Variants in ADD2 observed in about 807,000 individuals in gnomAD.
ADD2 encodes beta-adducin.
In ADD2, 23 loss-of-function variants were observed where a neutral mutation model predicts 83.0. That is an observed-to-expected ratio of 0.28 (90% confidence interval 0.20 to 0.39). The LOEUF (loss-of-function observed/expected upper bound fraction) is 0.39, where lower values mean the gene tolerates loss of function less well. Among genes scored for constraint, ADD2 ranks in the 10% least tolerant of loss-of-function variants. The probability of loss-of-function intolerance (pLI) is 1.00; values close to 1 mark genes in which losing one functional copy is unlikely to be tolerated. For missense variants in ADD2, 758 were observed against 944.9 expected (o/e 0.80, Z 2.59); for synonymous variants, 375 against 375.4 (o/e 1.00, Z 0.01).
intron 4 of ADD2, among the ~76,000 whole-genome samples, chr2:70,698,533 T>G (rs1452086116): frequency 1.3e-5 from 2 of 152,162 alleles, no homozygotes; most frequent in Non-Finnish European, 2.9e-5. Context: ...TTAACAAGAA[T>G]TCATAGTGTA....
rs1417458049 is a variant in ADD2 at position 70,659,119 on chromosome 2, T to C, written c.*4306A>G. On this transcript the variant is annotated 3_prime_UTR_variant, in exon 16 of 16. Transcript: ENST00000264436. ...AAGATTGCACCACTGCACTCCAGCC[T>C]GGGCAACAAAGAGCAAAGCTCCGTC... 7 of 118,154 alleles carry C rather than the reference T, an allele frequency of 5.9e-5. No individual in the cohort carries two copies. The highest frequency in any genetic ancestry group is 2.3e-4 in the African/African-American group (7 of 30,020). 7.3% of individuals were successfully genotyped at this position (118,154 alleles called of 1,614,324 possible). A position where few individuals can be genotyped will look rare whatever the true frequency, so the allele number is the denominator to read the frequency against.
At chr2:70,751,325 T>C (rs1429129540) in intron 1 of ADD2, among the ~76,000 whole-genome samples, 1 of 152,198 alleles carries the variant, frequency 6.6e-6, no homozygotes, top group Non-Finnish European at 1.5e-5. Context: ...TTACTAATGC[T>C]TAGGGTACCT....
chr2:70,684,012 A>C (rs1558530061), intron 9 of ADD2, among the ~76,000 whole-genome samples: 2 of 152,250 alleles, frequency 1.3e-5, no homozygotes, highest in Non-Finnish European at 2.9e-5. Flanking sequence ...CTTAAGAATC[A>C]AAACAGAGGA....
intron 1 of ADD2, chr2:70,717,921 T>A (rs541703291): frequency 5.9e-5 from 9 of 152,346 alleles, no homozygotes; most frequent in African/African-American, 2.2e-4. Flanking sequence ...ACTGCTGTGA[T>A]CATTTAAGCC....
chr2:70,750,253 A>T (rs1365969402), intron 1 of ADD2, among the ~76,000 whole-genome samples: 2 of 152,220 alleles, frequency 1.3e-5, no homozygotes, highest in African/African-American at 4.8e-5. Context: ...AACCAGGGAA[A>T]CATCATGCCT....
intron 1 of ADD2, among the ~76,000 whole-genome samples, chr2:70,737,641 G>A (rs555915257): frequency 2.0e-5 from 3 of 151,720 alleles, no homozygotes; most frequent in African/African-American, 7.3e-5. Flanking sequence ...GAGTTAATGG[G>A]TGCAGCACAC....
At chr2:70,741,213 A>T (rs1673883520) in intron 1 of ADD2, 1 of 152,250 alleles carries the variant, frequency 6.6e-6, no homozygotes, top group Non-Finnish European at 1.5e-5. Flanking sequence ...ACGGCAAAGA[A>T]CAGTAGCTTA....
In ADD2 at chr2:70,695,723, G is replaced by A. The variant is rs200581515; in HGVS notation, c.553C>T (p.Leu185=). ...CAGTGATGCTGGACTGTACTCACCA[G>A]GCTGGACGCTGTGACTTCACTGCAA... The part of the protein sequence containing the change: ...VSCSEVTASS[L]IKVNILGEVV... The change falls in exon 6 of 16, where the codon CTG becomes TTG. Residue 185 remains leucine, a splice_region_variant and synonymous_variant. Coordinates refer to ENST00000264436, the MANE Select transcript of ADD2 (RefSeq NM_001617.4). 1.1e-3 allele frequency: 1,793 copies of A among 1,614,018 alleles called. 32 individuals are homozygous for A. The South Asian group carries it at 0.019, about 17-fold the overall frequency.
intron 15 of ADD2, among the ~76,000 whole-genome samples, chr2:70,664,999 A>T (rs534142642): frequency 1.3e-5 from 2 of 151,868 alleles, no homozygotes; most frequent in Middle Eastern, 3.4e-3. Flanking sequence ...TGAGTGTGTG[A>T]CACACCTGTG....
intron 1 of ADD2, among the ~76,000 whole-genome samples, chr2:70,744,719 C>A (rs1674092291): frequency 6.6e-6 from 1 of 152,092 alleles, no homozygotes; most frequent in South Asian, 2.1e-4. Flanking sequence ...AGCAAGGTCC[C>A]ATTTTCATAT....
At chr2:70,720,181 A>G (rs1019408943) in intron 1 of ADD2, among the ~76,000 whole-genome samples, 25 of 152,160 alleles carry the variant, frequency 1.6e-4, no homozygotes, top group Non-Finnish European at 1.9e-4. Flanking sequence ...GTAATCCTGC[A>G]CTATCCCTCC....
At chr2:70,664,566 ATC>A (rs1675680392) in intron 15 of ADD2, among the ~76,000 whole-genome samples, 1 of 152,186 alleles carries the variant, frequency 6.6e-6, no homozygotes, top group Non-Finnish European at 1.5e-5. Context: ...GGTAAATATT[ATC>A]TGATGCCTCT....
intron 9 of ADD2, among the ~76,000 whole-genome samples, chr2:70,684,377 A>T (rs1402680300): frequency 3.3e-5 from 5 of 152,150 alleles, no homozygotes; most frequent in African/African-American, 1.2e-4. Context: ...CCTCCTGAGT[A>T]GCTGGGACTA....
In ADD2 at chr2:70,658,699, T is replaced by A. The variant is rs1036087292; in HGVS notation, c.*4726A>T. ...AATGTAAAAAGACCTGTTTCCTCTA[T>A]GCTCAGTCAACTGCGACTGTGCCAA... On this transcript the variant is annotated 3_prime_UTR_variant, in exon 16 of 16. Coordinates refer to ENST00000264436, the MANE Select transcript of ADD2 (RefSeq NM_001617.4). 2 of 152,206 alleles carry A rather than the reference T, an allele frequency of 1.3e-5. No individual in the cohort carries two copies. Among genetic ancestry groups the A allele is most frequent in the Non-Finnish European group, 2.9e-5 (2 of 68,046 alleles). 9.4% of individuals were successfully genotyped at this position (152,206 alleles called of 1,614,324 possible). A position where few individuals can be genotyped will look rare whatever the true frequency, so the allele number is the denominator to read the frequency against.
At chr2:70,695,585 G>T in intron 6 of ADD2, 136 bp downstream of exon 6, 3 of 745,882 alleles carry the variant, frequency 4.0e-6, no homozygotes, top group South Asian at 1.8e-5. Flanking sequence ...TTTGTTCCAT[G>T]TGTCTTCTCT....
At chr2:70,669,786 A>G (rs1669826377) in intron 15 of ADD2, among the ~76,000 whole-genome samples, 1 of 152,210 alleles carries the variant, frequency 6.6e-6, no homozygotes, top group Admixed American at 6.5e-5. Context: ...ACCATGTATA[A>G]AGTCCAACAA....
In ADD2 at chr2:70,768,057, G is replaced by T; in HGVS notation, c.-325C>A. On this transcript the variant is annotated 5_prime_UTR_variant, in exon 1 of 16. The change creates a new upstream start codon in the 5' untranslated region. Transcript: ENST00000264436. ...GTCAGAGCTGCTGGGAGATCCCCCA[G>T]CAGTGCAGCGGCTCCGCGGCGGCGG... 1 of 1,340,782 alleles carries T rather than the reference G, an allele frequency of 7.5e-7. No individual in the cohort carries two copies. Among genetic ancestry groups the T allele is most frequent in the Non-Finnish European group, 1.0e-6 (1 of 999,192 alleles). 83.1% of individuals were successfully genotyped at this position (1,340,782 alleles called of 1,614,324 possible).
At position 70,735,267 on chromosome 2, in the gene ADD2, A is replaced by T. The variant is rs3771418; in HGVS notation, c.-153-22083T>A. 5.3e-5 allele frequency among the ~76,000 whole-genome samples: 8 copies of T among 152,268 alleles called. No individual in the cohort carries two copies. The East Asian group carries it at 1.5e-3, about 29-fold the overall frequency. On this transcript the variant is annotated intron_variant, in intron 1 of 15. Coordinates refer to ENST00000264436, the MANE Select transcript of ADD2 (RefSeq NM_001617.4). Reference sequence around the variant, plus strand: ...GAATGAAACCCTGTGAACACACAGGATGTTTGCAGGCAGAGATTTGCATAA... The same window carrying T: ...GAATGAAACCCTGTGAACACACAGGTTGTTTGCAGGCAGAGATTTGCATAA...
intron 1 of ADD2, among the ~76,000 whole-genome samples, chr2:70,761,113 AG>A (rs1428395105): frequency 3.9e-5 from 6 of 152,356 alleles, no homozygotes; most frequent in African/African-American, 1.4e-4. Flanking sequence ...GATTGAGCAT[AG>A]GAAATGGACT....
Sources: gnomAD v4.1 joint callset for allele counts (sites outside exome capture counted in the v4.1 genomes callset) on GRCh38, gnomAD v4.1.1 for gene constraint, MANE v1.5 for transcripts, NCBI Gene and HGNC (gene_info 2026-07-23, HGNC 2026-07-21) for gene names.